The following CNTNAP5 variants were observed in gnomAD, a reference collection of about 807,000 sequenced individuals.
CNTNAP5 encodes contactin associated protein family member 5.
CNTNAP5 carries 72 observed loss-of-function variants against 150.2 expected under a neutral mutation model. The observed-to-expected ratio is 0.48, with a 90% CI of 0.40 to 0.58. The LOEUF (loss-of-function observed/expected upper bound fraction) is 0.58. CNTNAP5 is among the 20% of genes least tolerant of loss of function. The pLI, the probability that CNTNAP5 is intolerant of heterozygous loss-of-function variation, is 0.00. For synonymous variants in CNTNAP5, 672 were observed against 619.8 expected, an observed-to-expected ratio of 1.08 and a Z score of -1.25; for missense variants, 1,636 against 1,626.2, an observed-to-expected ratio of 1.01 and a Z score of -0.10.
chr2:124,641,659 T>A (rs1678097033), intron 12 of CNTNAP5, among the ~76,000 whole-genome samples: 1 of 152,196 alleles, frequency 6.6e-6, no homozygotes, highest in South Asian at 2.1e-4. Flanking sequence ...CCTGGGGACC[T>A]TAATATAGAC....
chr2:124,423,070 A>T (rs530182895), intron 4 of CNTNAP5, among the ~76,000 whole-genome samples: 1 of 152,358 alleles, frequency 6.6e-6, no homozygotes, highest in East Asian at 1.9e-4. Context: ...AATGTTAAAT[A>T]TATGGGCTCT....
At chr2:124,696,642 A>G (rs1372537100) in intron 13 of CNTNAP5, among the ~76,000 whole-genome samples, 1 of 152,168 alleles carries the variant, frequency 6.6e-6, no homozygotes, top group African/African-American at 2.4e-5. Context: ...CAAATAAATC[A>G]ATGAACTTAA....
Position 124,538,576 on chromosome 2 carries a change from A to AGAAG in CNTNAP5, c.1649+11128_1649+11131dup, listed in dbSNP as rs1197879447. 2.4e-4 allele frequency among the ~76,000 whole-genome samples: 37 copies of AGAAG among 151,308 alleles called. No homozygotes were observed. In the East Asian group the frequency reaches 4.5e-3, roughly 18 times the overall value. ...AGAAAGAAAGAAAAGAAAGAAAGAA[A>AGAAG]GAAGGAAGGAAAGAAAGAAAGGAAG... is the stretch of plus-strand genomic sequence containing the variant. On this transcript the variant is annotated intron_variant, in intron 10 of 23. Transcript: ENST00000682447.
intron 3 of CNTNAP5, among the ~76,000 whole-genome samples, chr2:124,271,870 A>T (rs990373888): frequency 2.0e-5 from 3 of 151,902 alleles, no homozygotes; most frequent in Non-Finnish European, 4.4e-5. Flanking sequence ...GCTCGCCACC[A>T]TTCCCAGCTA....
chr2:124,412,898 A>G (rs1045112405), intron 3 of CNTNAP5, among the ~76,000 whole-genome samples: 1 of 106,076 alleles, frequency 9.4e-6, no homozygotes, highest in Non-Finnish European at 1.9e-5. Flanking sequence ...ATTAAACTAA[A>G]GAGCTTCTGC....
In CNTNAP5 at chr2:124,543,002, A is replaced by T. The variant is rs138666794; in HGVS notation, c.1649+15546A>T. 6.0e-4 allele frequency among the ~76,000 whole-genome samples: 91 copies of T among 152,254 alleles called. 1 individual carries two copies. In the East Asian group the frequency reaches 0.017, roughly 28 times the overall value. On this transcript the variant is annotated intron_variant, in intron 10 of 23. Coordinates refer to ENST00000682447, the MANE Select transcript of CNTNAP5 (RefSeq NM_001367498.1). The stretch of plus-strand genomic sequence containing the variant: ...AAAACTCTGGAGGTTGCTATCCGAG[A>T]TTTAGGAGTTAAAGCCTTTCACTTC...
At chr2:124,880,321 T>G (rs1430709818) in intron 21 of CNTNAP5, among the ~76,000 whole-genome samples, 1 of 152,120 alleles carries the variant, frequency 6.6e-6, no homozygotes, top group African/African-American at 2.4e-5. Flanking sequence ...TCTCTGCCTT[T>G]TTCTTGATAA....
intron 1 of CNTNAP5, among the ~76,000 whole-genome samples, chr2:124,064,991 T>G (rs1456469025): frequency 6.6e-6 from 1 of 152,198 alleles, no homozygotes; most frequent in Non-Finnish European, 1.5e-5. Context: ...TCTAGTATAA[T>G]TATTTGTTGG....
In CNTNAP5 at chr2:124,586,990, G is replaced by A. The variant is rs570927258; in HGVS notation, c.1757-22811G>A. Among the ~76,000 whole-genome samples the A allele has an allele frequency of 2.3e-3, 349 of 152,284 alleles. 1 individual carries two copies. Among genetic ancestry groups the A allele is most frequent in the African/African-American group, 8.0e-3 (333 of 41,548 alleles). On this transcript the variant is annotated intron_variant, in intron 11 of 23. Coordinates refer to ENST00000682447, the MANE Select transcript of CNTNAP5 (RefSeq NM_001367498.1). Reference sequence around the variant, plus strand: ...ATACCAGCTTCCTGCTGAATGGTGAGTGGACTTGGACAAGTCAGAGTCCTG... The same window carrying A: ...ATACCAGCTTCCTGCTGAATGGTGAATGGACTTGGACAAGTCAGAGTCCTG...
intron 3 of CNTNAP5, among the ~76,000 whole-genome samples, chr2:124,377,123 A>T (rs1157201526): frequency 6.6e-6 from 1 of 152,130 alleles, no homozygotes; most frequent in Admixed American, 6.6e-5. Flanking sequence ...CCTCTCACGT[A>T]GTTACCACTA....
At chr2:124,034,449 T>TTTA (rs1462188108) in intron 1 of CNTNAP5, among the ~76,000 whole-genome samples, 2 of 152,184 alleles carry the variant, frequency 1.3e-5, no homozygotes, top group African/African-American at 4.8e-5. Flanking sequence ...TTGTTCTCAT[T>TTTA]TTATCTCCCA....
At chr2:124,049,614 C>T (rs1490208018) in intron 1 of CNTNAP5, among the ~76,000 whole-genome samples, 1 of 152,138 alleles carries the variant, frequency 6.6e-6, no homozygotes, top group Non-Finnish European at 1.5e-5. Context: ...ACTCATTAGC[C>T]TTGTTACCTT....
chr2:124,316,804 C>CAAAAAAAAAAAAAAAAAAAAAAAAAAAAA (rs56812690), intron 3 of CNTNAP5, among the ~76,000 whole-genome samples: 32 of 54,772 alleles, frequency 5.8e-4, no homozygotes, highest in South Asian at 9.0e-4. Context: ...GACTCCATCT[C>CAAAAAAAAAAAAAAAAAAAAAAAAAAAAA]AAAAAAAAAA....
chr2:124,809,547 T>C (rs1344365506), intron 19 of CNTNAP5, among the ~76,000 whole-genome samples: 1 of 151,420 alleles, frequency 6.6e-6, no homozygotes, highest in Non-Finnish European at 1.5e-5. Flanking sequence ...TCTGGGAATA[T>C]AGCTGCAAGC....
intron 13 of CNTNAP5, among the ~76,000 whole-genome samples, chr2:124,732,694 A>G (rs1469518870): frequency 6.6e-6 from 1 of 152,176 alleles, no homozygotes; most frequent in Non-Finnish European, 1.5e-5. Flanking sequence ...AATGCATACC[A>G]AATTTATTTT....
intron 3 of CNTNAP5, among the ~76,000 whole-genome samples, chr2:124,337,921 G>T (rs1217075105): frequency 1.3e-5 from 2 of 151,518 alleles, no homozygotes; most frequent in South Asian, 2.1e-4. Context: ...AAAGTCATTG[G>T]TGGGAATGGC....
intron 1 of CNTNAP5, among the ~76,000 whole-genome samples, chr2:124,162,929 G>GT (rs1235866880): frequency 2.0e-5 from 3 of 152,082 alleles, no homozygotes; most frequent in Non-Finnish European, 4.4e-5. Flanking sequence ...TCCAAAGACA[G>GT]ACAGAGTCCT....
chr2:124,868,573 C>A (rs1052537770), intron 20 of CNTNAP5, among the ~76,000 whole-genome samples: 5 of 152,168 alleles, frequency 3.3e-5, no homozygotes, highest in African/African-American at 9.7e-5. Flanking sequence ...CTACACCCCC[C>A]CTTATTCTTG....
chr2:124,873,137 A>T (rs1030585903), intron 21 of CNTNAP5, among the ~76,000 whole-genome samples: 7 of 152,120 alleles, frequency 4.6e-5, no homozygotes, highest in African/African-American at 1.4e-4. Context: ...AAGCCTCAAG[A>T]ATCTTAAAGT....
Sources: allele counts gnomAD v4.1 joint callset (sites outside exome capture counted in the v4.1 genomes callset), GRCh38; gene constraint gnomAD v4.1.1; transcripts MANE v1.5; gene names NCBI Gene and HGNC (gene_info 2026-07-23, HGNC 2026-07-21).